The following AKAP19 variants were observed in gnomAD, a reference collection of about 807,000 sequenced individuals.
AKAP19 encodes A-kinase anchoring protein 19.
chr2:189,906,293 A>G, the AKAP19 span, among the ~76,000 whole-genome samples: 1 of 152,152 alleles, frequency 6.6e-6, no homozygotes, highest in Admixed American at 6.5e-5. Flanking sequence ...TTAAATTATA[A>G]CATTAATTCC....
chr2:189,953,771 C>T, the AKAP19 span, among the ~76,000 whole-genome samples: 2,402 of 151,948 alleles, frequency 0.016, 54 homozygotes, highest in African/African-American at 0.055. Context: ...AATTGATGCA[C>T]GTAAGTTAAG....
At chr2:189,958,812 G>C in the AKAP19 span, among the ~76,000 whole-genome samples, 1 of 152,038 alleles carries the variant, frequency 6.6e-6, no homozygotes, top group African/African-American at 2.4e-5. Context: ...GAACTTGAAT[G>C]AATCTCAGCA....
At chr2:190,067,446 C>T in the AKAP19 span, among the ~76,000 whole-genome samples, 1 of 152,076 alleles carries the variant, frequency 6.6e-6, no homozygotes, top group Admixed American at 6.6e-5. Flanking sequence ...CCTCCCAATA[C>T]CTGTAGCGTT....
At chr2:190,139,701 C>A in the AKAP19 span, among the ~76,000 whole-genome samples, 1 of 152,154 alleles carries the variant, frequency 6.6e-6, no homozygotes, top group Non-Finnish European at 1.5e-5. Context: ...CTCCATGATT[C>A]AATTACCTCC....
chr2:190,016,066 T>C, the AKAP19 span, among the ~76,000 whole-genome samples: 1 of 152,198 alleles, frequency 6.6e-6, no homozygotes, highest in African/African-American at 2.4e-5. Context: ...TCTCACATCT[T>C]TCTGTTTTCT....
the AKAP19 span, among the ~76,000 whole-genome samples, chr2:189,942,608 A>C: frequency 6.6e-6 from 1 of 152,222 alleles, no homozygotes; most frequent in Non-Finnish European, 1.5e-5. Flanking sequence ...AGACAGGAAG[A>C]TGAGGGAAAG....
At chr2:190,085,602 T>C in the AKAP19 span, among the ~76,000 whole-genome samples, 3 of 152,290 alleles carry the variant, frequency 2.0e-5, no homozygotes, top group African/African-American at 7.2e-5. Flanking sequence ...CCATGGGCCA[T>C]TTCTTTCCTT....
the AKAP19 span, among the ~76,000 whole-genome samples, chr2:189,924,837 G>A: frequency 6.6e-6 from 1 of 151,882 alleles, no homozygotes; most frequent in African/African-American, 2.4e-5. Flanking sequence ...TGATGTTTGG[G>A]ACCTTTTTTC....
the AKAP19 span, among the ~76,000 whole-genome samples, chr2:190,193,108 C>G: frequency 1.3e-5 from 2 of 151,994 alleles, no homozygotes; most frequent in African/African-American, 4.8e-5. Context: ...TTGTCTTTCA[C>G]CACTAACATT....
At chr2:190,119,427 T>A in the AKAP19 span, among the ~76,000 whole-genome samples, 2 of 152,158 alleles carry the variant, frequency 1.3e-5, no homozygotes, top group African/African-American at 2.4e-5. Context: ...CAGAAAAAAC[T>A]GGCCCTCCCA....
the AKAP19 span, among the ~76,000 whole-genome samples, chr2:190,114,157 G>C: frequency 6.6e-6 from 1 of 152,106 alleles, no homozygotes; most frequent in Non-Finnish European, 1.5e-5. Context: ...ATCATACTTT[G>C]ATCTATATCC....
the AKAP19 span, among the ~76,000 whole-genome samples, chr2:189,934,906 AGACT>A: frequency 1.3e-5 from 2 of 152,140 alleles, no homozygotes; most frequent in East Asian, 3.9e-4. Flanking sequence ...GCCATTTAAA[AGACT>A]GACTTTCCAA....
the AKAP19 span, chr2:190,062,168 A>T: frequency 5.6e-6 from 9 of 1,594,560 alleles, no homozygotes; most frequent in Non-Finnish European, 7.7e-6. Context: ...TGTTTCTCAT[A>T]AACACTAGAA....
At chr2:190,114,484 C>A in the AKAP19 span, among the ~76,000 whole-genome samples, 1 of 152,216 alleles carries the variant, frequency 6.6e-6, no homozygotes, top group African/African-American at 2.4e-5. Context: ...GAGACGGAGT[C>A]TCGCTCTGTT....
At chr2:190,087,714 C>A in the AKAP19 span, among the ~76,000 whole-genome samples, 1 of 152,194 alleles carries the variant, frequency 6.6e-6, no homozygotes, top group African/African-American at 2.4e-5. Context: ...ACATCATGAA[C>A]CCTTCCACCC....
At chr2:190,060,232 T>C in the AKAP19 span, 1 of 1,613,164 alleles carries the variant, frequency 6.2e-7, no homozygotes, top group Non-Finnish European at 8.5e-7. Context: ...ATGTCAAGTT[T>C]CAGAGATCGG....
At chr2:189,960,102 T>C in the AKAP19 span, among the ~76,000 whole-genome samples, 48 of 152,334 alleles carry the variant, frequency 3.2e-4, no homozygotes, top group African/African-American at 5.3e-4. Flanking sequence ...CTTACATTAA[T>C]TACTATCTTT....
At chr2:190,166,595 G>T in the AKAP19 span, among the ~76,000 whole-genome samples, 2 of 151,990 alleles carry the variant, frequency 1.3e-5, no homozygotes, top group Non-Finnish European at 2.9e-5. Context: ...GTTTATTCTA[G>T]AAATGAATAA....
At chr2:189,974,864 C>A in the AKAP19 span, among the ~76,000 whole-genome samples, 5 of 152,082 alleles carry the variant, frequency 3.3e-5, no homozygotes, top group African/African-American at 1.2e-4. Flanking sequence ...TATTTTGAGC[C>A]TATGTGTATC....
Sources: allele counts gnomAD v4.1 joint callset (sites outside exome capture counted in the v4.1 genomes callset), GRCh38; gene constraint gnomAD v4.1.1; transcripts MANE v1.5; gene names NCBI Gene and HGNC (gene_info 2026-07-23, HGNC 2026-07-21).